Variants in CNIH3 observed in about 807,000 individuals in gnomAD.
CNIH3 encodes cornichon family AMPA receptor auxiliary protein 3.
CNIH3 carries 14 observed loss-of-function variants against 24.1 expected under a neutral mutation model. That is an observed-to-expected ratio of 0.58 (90% CI 0.38 to 0.91). The LOEUF (loss-of-function observed/expected upper bound fraction) is 0.91, where lower values mean the gene tolerates loss of function less well. Among genes scored for constraint, CNIH3 ranks in the 40% least tolerant of loss-of-function variants. CNIH3 has a pLI of 0.00. For missense variants in CNIH3, 178 were observed against 196.8 expected (o/e 0.90, Z 0.57); for synonymous variants, 68 against 73.8 (o/e 0.92, Z 0.40).
chr1:224,474,710 G>GA (rs1558090914), intron 1 of CNIH3, among the ~76,000 whole-genome samples: 1 of 152,006 alleles, frequency 6.6e-6, no homozygotes, highest in Non-Finnish European at 1.5e-5. Flanking sequence ...TCCAGACTAA[G>GA]AAAAAAAGAA....
intron 4 of CNIH3, 29 bp from the exon 5 acceptor site, chr1:224,734,534 A>C: frequency 6.2e-7 from 1 of 1,611,240 alleles, no homozygotes; most frequent in South Asian, 1.1e-5. Flanking sequence ...CCAGGACCTC[A>C]GAGACAATGA....
At chr1:224,517,362 C>T (rs1179622975) in intron 1 of CNIH3, among the ~76,000 whole-genome samples, 1 of 152,148 alleles carries the variant, frequency 6.6e-6, no homozygotes, top group South Asian at 2.1e-4. Context: ...TTGTAGGCTG[C>T]GGTGGGGCTG....
At position 224,616,767 on chromosome 1, in the gene CNIH3, G is replaced by A. The variant is rs370855085; in HGVS notation, c.-408G>A. On this transcript the variant is annotated 5_prime_UTR_variant, in exon 1 of 6. Transcript: ENST00000272133. The stretch of plus-strand genomic sequence containing the variant: ...CTCCTCAGCGGTTTAGTGGAGAAAA[G>A]CAGAGAGCTCTTCCTGGGGCGAATG... 9.7e-7 allele frequency: 1 copy of A among 1,025,672 alleles called. No individual in the cohort carries two copies. Among genetic ancestry groups the A allele is most frequent in the Non-Finnish European group, 1.2e-6 (1 of 856,270 alleles). 63.5% of individuals were successfully genotyped at this position (1,025,672 alleles called of 1,614,324 possible).
intron 1 of CNIH3, among the ~76,000 whole-genome samples, chr1:224,650,695 C>T (rs1195436619): frequency 3.3e-5 from 5 of 152,160 alleles, no homozygotes; most frequent in South Asian, 2.1e-4. Flanking sequence ...TGTTCATAAA[C>T]GGCTTTCTAT....
At chr1:224,596,909 T>A (rs1682003855) in intron 3 of CNIH3, among the ~76,000 whole-genome samples, 1 of 152,040 alleles carries the variant, frequency 6.6e-6, no homozygotes, top group African/African-American at 2.4e-5. Flanking sequence ...TCCCAGCACT[T>A]TGGGAGACCA....
intron 4 of CNIH3, among the ~76,000 whole-genome samples, chr1:224,567,297 A>T (rs1680621422): frequency 6.6e-6 from 1 of 152,046 alleles, no homozygotes; most frequent in Non-Finnish European, 1.5e-5. Flanking sequence ...GATTGCAAAA[A>T]TTTTCTCCCA....
At chr1:224,519,717 TATA>T (rs1345401883) in intron 1 of CNIH3, among the ~76,000 whole-genome samples, 8 of 150,610 alleles carry the variant, frequency 5.3e-5, no homozygotes, top group Admixed American at 2.7e-4. Flanking sequence ...CATAAAAATA[TATA>T]ATATGTGACA....
intron 1 of CNIH3, among the ~76,000 whole-genome samples, chr1:224,477,536 A>C (rs59804672): frequency 0.075 from 11,458 of 152,270 alleles, 1,401 homozygotes; most frequent in African/African-American, 0.25. Context: ...CAAAACCCCC[A>C]AAATTAATAA....
intron 3 of CNIH3, among the ~76,000 whole-genome samples, chr1:224,701,973 C>G (rs994898914): frequency 6.6e-6 from 1 of 152,160 alleles, no homozygotes; most frequent in South Asian, 2.1e-4. Context: ...GCTGCCCCAC[C>G]CTTGTCCTTC....
At chr1:224,627,868 T>A (rs1572615573) in intron 1 of CNIH3, among the ~76,000 whole-genome samples, 1 of 152,124 alleles carries the variant, frequency 6.6e-6, no homozygotes, top group East Asian at 1.9e-4. Flanking sequence ...GGACACGGGC[T>A]CTGAGAACAG....
At chr1:224,523,328 C>T (rs1033590480) in intron 2 of CNIH3, among the ~76,000 whole-genome samples, 3 of 152,088 alleles carry the variant, frequency 2.0e-5, no homozygotes, top group East Asian at 3.9e-4. Flanking sequence ...TGGGTAAATA[C>T]GTTGTGGTGT....
intron 3 of CNIH3, among the ~76,000 whole-genome samples, chr1:224,601,345 C>T (rs1425021769): frequency 1.3e-5 from 2 of 152,160 alleles, no homozygotes; most frequent in Non-Finnish European, 2.9e-5. Flanking sequence ...TCCCTTACCA[C>T]TCCAGAGTTC....
chr1:224,677,941 C>G (rs1388109647), intron 1 of CNIH3, among the ~76,000 whole-genome samples: 1 of 152,144 alleles, frequency 6.6e-6, no homozygotes, highest in African/African-American at 2.4e-5. Context: ...TATAGTAAAC[C>G]GTCTTTATAA....
intron 3 of CNIH3, among the ~76,000 whole-genome samples, chr1:224,714,350 T>C (rs1483346339): frequency 1.3e-5 from 2 of 152,198 alleles, no homozygotes; most frequent in Non-Finnish European, 2.9e-5. Context: ...GAGAATCAGC[T>C]TGTTGGGACC....
rs560779705 is a variant in CNIH3, at chr1:224,568,222, G to A, written n.516+1958G>A. Among the ~76,000 whole-genome samples the A allele has an allele frequency of 5.3e-5, 8 of 152,042 alleles. No individual in the cohort carries two copies. In the East Asian group the frequency reaches 1.4e-3, roughly 26 times the overall value. ...GGAGAATTGCTTGAACCAGGGAGTC[G>A]GAGGTTGCAGTGAGCCGAGATCACG... On this transcript the variant is annotated intron_variant and non_coding_transcript_variant, in intron 4 of 5. Transcript: ENST00000471578.
At chr1:224,489,800 G>T (rs1285224980) in intron 1 of CNIH3, among the ~76,000 whole-genome samples, 1 of 152,204 alleles carries the variant, frequency 6.6e-6, no homozygotes, top group Non-Finnish European at 1.5e-5. Context: ...CAATATGCCA[G>T]CAGCTTTGGT....
Position 224,707,645 on chromosome 1 carries a change from G to T in CNIH3, c.198+22802G>T, listed in dbSNP as rs1043207685. On this transcript the variant is annotated intron_variant, in intron 3 of 5. Coordinates refer to ENST00000272133, the MANE Select transcript of CNIH3 (RefSeq NM_152495.2). ...CAGCTTTGGCATCACCTGGGAGCTT[G>T]TTATAAAGGCAGAATCTCATGCCCC... Among the ~76,000 whole-genome samples the T allele has an allele frequency of 3.3e-5, 5 of 152,274 alleles. No homozygotes were observed. In the South Asian group the frequency reaches 1.0e-3, roughly 32 times the overall value.
Position 224,616,554 on chromosome 1 carries a change from G to T in CNIH3, c.-621G>T, listed in dbSNP as rs1434864835. 2.5e-5 allele frequency: 25 copies of T among 986,882 alleles called. No homozygotes were observed. In the South Asian group the frequency reaches 4.2e-4, roughly 16 times the overall value. 61.1% of individuals were successfully genotyped at this position (986,882 alleles called of 1,614,324 possible). A position where few individuals can be genotyped will look rare whatever the true frequency, so the allele number is the denominator to read the frequency against. On this transcript the variant is annotated 5_prime_UTR_variant, in exon 1 of 6. Transcript: ENST00000272133. ...CTCGGAGCGCACGGCTGCGCTGGAA[G>T]CCGCGTCTGGGGCGCAGGACCAACG...
chr1:224,504,526 A>G (rs1466802242), intron 1 of CNIH3, among the ~76,000 whole-genome samples: 1 of 151,574 alleles, frequency 6.6e-6, no homozygotes. Flanking sequence ...GACTGCTCCC[A>G]TGACCCCCTC....
Sources: gnomAD v4.1 joint callset for allele counts (sites outside exome capture counted in the v4.1 genomes callset) on GRCh38, gnomAD v4.1.1 for gene constraint, MANE v1.5 for transcripts, NCBI Gene and HGNC (gene_info 2026-07-23, HGNC 2026-07-21) for gene names.